Variants in GGACT observed in about 807,000 individuals in gnomAD.
GGACT encodes gamma-glutamylamine cyclotransferase, also known as gamma-glutamylaminecyclotransferase.
For synonymous variants in GGACT, 118 were observed against 115.3 expected, an observed-to-expected ratio of 1.02 and a Z score of -0.15; for missense variants, 241 against 233.2, an observed-to-expected ratio of 1.03 and a Z score of -0.22.
At chr13:100,557,616 C>T (rs1305787926) in intron 2 of GGACT, among the ~76,000 whole-genome samples, 1 of 152,162 alleles carries the variant, frequency 6.6e-6, no homozygotes, top group Non-Finnish European at 1.5e-5. Flanking sequence ...TCCCTATACA[C>T]TAATTAACTC....
intron 2 of GGACT, among the ~76,000 whole-genome samples, chr13:100,546,926 C>G (rs914255101): frequency 1.3e-5 from 2 of 152,224 alleles, no homozygotes; most frequent in Admixed American, 1.3e-4. Flanking sequence ...CCTACGTCAT[C>G]TGGCACGGCC....
At chr13:100,544,855 G>C (rs539777338) in intron 2 of GGACT, among the ~76,000 whole-genome samples, 2 of 152,354 alleles carry the variant, frequency 1.3e-5, no homozygotes, top group Admixed American at 1.3e-4. Context: ...GTATGGAAAG[G>C]AATCACTGGA....
intron 2 of GGACT, chr13:100,580,027 G>T (rs1875368081): frequency 6.6e-6 from 1 of 152,132 alleles, no homozygotes; most frequent in Non-Finnish European, 1.5e-5. Flanking sequence ...AGGAAAGAGG[G>T]GCCTGCTGGG....
At chr13:100,561,040 G>A (rs544817816) in intron 2 of GGACT, among the ~76,000 whole-genome samples, 40 of 152,302 alleles carry the variant, frequency 2.6e-4, no homozygotes, top group African/African-American at 9.1e-4. Context: ...CCAGGAACAC[G>A]TGCCTCTTCC....
chr13:100,557,438 G>A (rs1384752030), intron 2 of GGACT, among the ~76,000 whole-genome samples: 1 of 152,046 alleles, frequency 6.6e-6, no homozygotes, highest in Non-Finnish European at 1.5e-5. Context: ...AAAAATCAAT[G>A]GTACAGAACA....
intron 2 of GGACT, among the ~76,000 whole-genome samples, chr13:100,540,563 A>T (rs914500710): frequency 6.6e-6 from 1 of 152,188 alleles, no homozygotes; most frequent in Non-Finnish European, 1.5e-5. Context: ...TAGTCTTCTC[A>T]AACAGCCAAC....
chr13:100,588,761 C>A lies in GGACT; in HGVS notation c.-204G>T, dbSNP rs1266466962. On this transcript the variant is annotated 5_prime_UTR_variant, in exon 1 of 3. Transcript: ENST00000683975. ...CTCACCTGCCGGCAGCCGGGGCTGT[C>A]GGGGAGGGCAGGGCCAGGGCGGAAA... 1 of 151,762 alleles carries A rather than the reference C, an allele frequency of 6.6e-6. No individual in the cohort carries two copies. Among genetic ancestry groups the A allele is most frequent in the Non-Finnish European group, 1.5e-5 (1 of 67,888 alleles). The allele number at this position is 151,762 out of a possible 1,614,324, so 9.4% of individuals were successfully genotyped here. A position where few individuals can be genotyped will look rare whatever the true frequency, so the allele number is the denominator to read the frequency against.
intron 2 of GGACT, among the ~76,000 whole-genome samples, chr13:100,576,048 A>G (rs1471996112): frequency 6.6e-6 from 1 of 152,228 alleles, no homozygotes; most frequent in Non-Finnish European, 1.5e-5. Flanking sequence ...TGCCAAATAT[A>G]ATCTCTTAAT....
chr13:100,550,174 T>C (rs2088644628), intron 2 of GGACT, among the ~76,000 whole-genome samples: 2 of 152,232 alleles, frequency 1.3e-5, no homozygotes, highest in South Asian at 2.1e-4. Context: ...CCGGCCACTG[T>C]GTGCTGGCCG....
chr13:100,572,742 T>C (rs573389511), intron 2 of GGACT, among the ~76,000 whole-genome samples: 1 of 152,230 alleles, frequency 6.6e-6, no homozygotes, highest in East Asian at 1.9e-4. Flanking sequence ...AAAAAACATT[T>C]TTCAGATGAT....
intron 2 of GGACT, among the ~76,000 whole-genome samples, chr13:100,564,208 G>A (rs543513640): frequency 6.6e-6 from 1 of 152,236 alleles, no homozygotes; most frequent in African/African-American, 2.4e-5. Context: ...CGATTCTGGT[G>A]ATTACCCTTT....
At chr13:100,575,564 G>A (rs1459971119) in intron 2 of GGACT, among the ~76,000 whole-genome samples, 2 of 152,060 alleles carry the variant, frequency 1.3e-5, no homozygotes, top group East Asian at 3.9e-4. Context: ...AACTATGATG[G>A]GATCAGCCCA....
chr13:100,542,817 A>T (rs2088567033), intron 2 of GGACT, among the ~76,000 whole-genome samples: 1 of 152,246 alleles, frequency 6.6e-6, no homozygotes, highest in African/African-American at 2.4e-5. Flanking sequence ...ATTTGAGAAA[A>T]TAAGAAGACT....
At chr13:100,533,914 G>A (rs2088454580) in intron 2 of GGACT, 1 of 152,358 alleles carries the variant, frequency 6.6e-6, no homozygotes, top group East Asian at 1.9e-4. Context: ...GACAGCCTGT[G>A]GGGCGACTCG....
Position 100,545,912 on chromosome 13 carries a change from C to CG in GGACT, c.-10-13312dup, listed in dbSNP as rs2088599592. ...CACATGCGTCAGCCAACCACATACT[C>CG]GGAAAATGACACAGAAAGCCAGGGC... On this transcript the variant is annotated intron_variant, in intron 2 of 2. Transcript: ENST00000683975. This position sits in a 1 kb window ranked among gnomAD's most constrained non-coding sequence, Gnocchi z 4.4. Among the ~76,000 whole-genome samples the CG allele has an allele frequency of 6.6e-6, 1 of 152,222 alleles. No individual in the cohort carries two copies. The highest frequency in any genetic ancestry group is 1.5e-5 in the Non-Finnish European group (1 of 68,042).
intron 2 of GGACT, among the ~76,000 whole-genome samples, chr13:100,580,650 G>A (rs1875386654): frequency 6.6e-6 from 1 of 152,228 alleles, no homozygotes; most frequent in Non-Finnish European, 1.5e-5. Context: ...AGTCAGGATA[G>A]CAAAGGCTGC....
rs577619803 is a variant in GGACT, at chr13:100,547,113, T to A, written c.-10-14512A>T. On this transcript the variant is annotated intron_variant, in intron 2 of 2. Transcript: ENST00000683975. ...GCCCTGGGGGCACATTCATAGGCCC[T>A]GGATTCAGTGCCGGCTCTGCCACCT... Among the ~76,000 whole-genome samples the A allele has an allele frequency of 2.0e-3, 312 of 152,300 alleles. 6 individuals are homozygous for A. Among genetic ancestry groups the A allele is most frequent in the Admixed American group, 0.02 (312 of 15,296 alleles).
At position 100,530,465 on chromosome 13, in the gene GGACT, C is replaced by A. The variant is rs984740013; in HGVS notation, c.*1665G>T. 4.1e-6 allele frequency: 2 copies of A among 492,486 alleles called. No homozygotes were observed. Among genetic ancestry groups the A allele is most frequent in the Admixed American group, 3.3e-5 (1 of 30,576 alleles). The allele number at this position is 492,486 out of a possible 1,614,324, so 30.5% of individuals were successfully genotyped here. On this transcript the variant is annotated 3_prime_UTR_variant, in exon 3 of 3. Transcript: ENST00000683975. Reference sequence around the variant, plus strand: ...AGTTTGCCCTTTCTTTGAATGAAGACAATGTACACATAGGCGACAGGCTCT... The same window carrying A: ...AGTTTGCCCTTTCTTTGAATGAAGAAAATGTACACATAGGCGACAGGCTCT...
At chr13:100,577,439 A>AAATC (rs1332266242) in intron 2 of GGACT, among the ~76,000 whole-genome samples, 4 of 150,950 alleles carry the variant, frequency 2.6e-5, no homozygotes, top group Non-Finnish European at 5.9e-5. Context: ...ATAAATAAAT[A>AAATC]AATAAATAAA....
Sources: allele counts gnomAD v4.1 joint callset (sites outside exome capture counted in the v4.1 genomes callset), GRCh38; gene constraint gnomAD v4.1.1; non-coding constraint Gnocchi (gnomAD v3.1); transcripts MANE v1.5; gene names NCBI Gene and HGNC (gene_info 2026-07-23, HGNC 2026-07-21).